The following UGGT2 variants were observed in gnomAD, a reference collection of about 807,000 sequenced individuals.
UGGT2 encodes the protein UDP-glucose:glycoprotein glucosyltransferase 2.
Under a neutral mutation model 192.1 loss-of-function variants are expected in UGGT2, and 180 were observed. That is an observed-to-expected ratio of 0.94 (90% CI 0.83 to 1.06). UGGT2 has a LOEUF of 1.06. Ranked by LOEUF, UGGT2 falls within the 50% of genes least tolerant of loss-of-function variation. The probability of loss-of-function intolerance (pLI) is 0.00; values close to 1 mark genes in which losing one functional copy is unlikely to be tolerated. For synonymous variants in UGGT2, 580 were observed against 591.0 expected, an observed-to-expected ratio of 0.98 and a Z score of 0.27; for missense variants, 1,849 against 1,795.7, an observed-to-expected ratio of 1.03 and a Z score of -0.54.
rs1305704533 is a variant in UGGT2, at chr13:95,890,955, C to T, written c.2865G>A (p.Lys955=). The change falls in exon 25 of 39, where the codon AAG becomes AAA. Residue 955 remains lysine (K), a synonymous_variant. Coordinates refer to ENST00000376747, the MANE Select transcript of UGGT2 (RefSeq NM_020121.4). ...TFLRENHSVI[K]TNPQENDMFF... ...ACATATCATTCTCTTGAGGATTCGT[C>T]TTTATAACACTAAGAAAATAGAAAA... The T allele has an allele frequency of 1.2e-6, 2 of 1,605,296 alleles. No individual in the cohort carries two copies. Among genetic ancestry groups the T allele is most frequent in the Middle Eastern group, 1.7e-4 (1 of 6,014 alleles).
chr13:95,848,517 A>G (rs1469295390), intron 36 of UGGT2, among the ~76,000 whole-genome samples: 1 of 152,118 alleles, frequency 6.6e-6, no homozygotes, highest in Non-Finnish European at 1.5e-5. Flanking sequence ...TGAGATGTTC[A>G]GTTGTTCCAG....
chr13:95,837,482 C>T (rs1247093431), intron 36 of UGGT2, among the ~76,000 whole-genome samples: 1 of 152,184 alleles, frequency 6.6e-6, no homozygotes, highest in African/African-American at 2.4e-5. Context: ...CAATAGTCCC[C>T]ACAATGGACA....
intron 36 of UGGT2, among the ~76,000 whole-genome samples, chr13:95,845,933 T>C (rs1888386843): frequency 7.0e-6 from 1 of 143,276 alleles, no homozygotes; most frequent in Non-Finnish European, 1.5e-5. Flanking sequence ...GACTCCTCAC[T>C]TCCCAGACTG....
At chr13:95,899,170 G>A (rs2048032539) in intron 22 of UGGT2, among the ~76,000 whole-genome samples, 1 of 152,188 alleles carries the variant, frequency 6.6e-6, no homozygotes, top group South Asian at 2.1e-4. Flanking sequence ...GCAGAGAGCA[G>A]CCCTCACCAG....
At chr13:96,030,303 A>T (rs1291540460) in intron 2 of UGGT2, among the ~76,000 whole-genome samples, 1 of 152,234 alleles carries the variant, frequency 6.6e-6, no homozygotes, top group African/African-American at 2.4e-5. Flanking sequence ...CTAATAGTGT[A>T]CATCACTGTT....
At chr13:95,911,626 A>G (rs965327570) in intron 20 of UGGT2, among the ~76,000 whole-genome samples, 8 of 152,206 alleles carry the variant, frequency 5.3e-5, no homozygotes, top group African/African-American at 1.7e-4. Flanking sequence ...CCAGGACCAG[A>G]TGGATTCACA....
intron 7 of UGGT2, among the ~76,000 whole-genome samples, chr13:95,995,134 G>A (rs2051578405): frequency 6.6e-6 from 1 of 151,896 alleles, no homozygotes; most frequent in Admixed American, 6.6e-5. Context: ...TCAATATGTG[G>A]CAAAGGTTTC....
chr13:95,952,512 T>C (rs942580410), intron 12 of UGGT2, among the ~76,000 whole-genome samples: 19 of 152,236 alleles, frequency 1.2e-4, no homozygotes, highest in African/African-American at 4.3e-4. Flanking sequence ...GTAAATGCTA[T>C]GTAAATAGTT....
chr13:96,036,762 TTTTG>T (rs758992823), intron 1 of UGGT2, among the ~76,000 whole-genome samples: 4 of 152,052 alleles, frequency 2.6e-5, no homozygotes, highest in Admixed American at 6.5e-5. Flanking sequence ...TGAACAACAT[TTTTG>T]TTTGTTTGTT....
chr13:96,037,032 CAGAGA>C (rs1465749381), intron 1 of UGGT2, among the ~76,000 whole-genome samples: 3 of 152,170 alleles, frequency 2.0e-5, no homozygotes, highest in East Asian at 1.9e-4. Context: ...AAATTCTACC[CAGAGA>C]AAACAGTTAT....
At chr13:96,053,017 G>T in intron 1 of UGGT2, 138 bp downstream of exon 1, 1 of 1,197,182 alleles carries the variant, frequency 8.4e-7, no homozygotes, top group Non-Finnish European at 1.1e-6. Flanking sequence ...GGAAGGAGGT[G>T]GTGATGCTCA....
At chr13:95,937,287 G>A (rs2049498221) in intron 16 of UGGT2, among the ~76,000 whole-genome samples, 199 bp from the exon 17 acceptor site, 3 of 152,150 alleles carry the variant, frequency 2.0e-5, no homozygotes, top group South Asian at 2.1e-4. Context: ...TATGTAAAGG[G>A]CCAGAGAGTA....
At chr13:95,927,400 G>T in intron 17 of UGGT2, 64 bp from the exon 18 acceptor site, 1 of 1,359,816 alleles carries the variant, frequency 7.4e-7, no homozygotes, top group Non-Finnish European at 9.9e-7. Flanking sequence ...CAAAAAGTAT[G>T]CAGATAACAC....
intron 20 of UGGT2, among the ~76,000 whole-genome samples, chr13:95,908,838 T>C (rs1350468214): frequency 7.8e-6 from 1 of 127,540 alleles, no homozygotes; most frequent in African/African-American, 2.9e-5. Flanking sequence ...TTGTAGATTC[T>C]GGATATTAGC....
At chr13:95,830,450 C>A (rs1424855201) in intron 38 of UGGT2, among the ~76,000 whole-genome samples, 1 of 152,040 alleles carries the variant, frequency 6.6e-6, no homozygotes, top group Non-Finnish European at 1.5e-5. Context: ...ATCAAACAAC[C>A]CCATCAAAAA....
At chr13:95,855,953 T>C (rs1303148519) in intron 34 of UGGT2, among the ~76,000 whole-genome samples, 2 of 152,198 alleles carry the variant, frequency 1.3e-5, no homozygotes, top group Non-Finnish European at 1.5e-5. Flanking sequence ...TCCTAAATAA[T>C]AAATGGTACT....
chr13:95,814,157 C>A (rs142750366), intron 38 of UGGT2, among the ~76,000 whole-genome samples: 2 of 152,208 alleles, frequency 1.3e-5, no homozygotes, highest in Non-Finnish European at 2.9e-5. Flanking sequence ...AGAGTCCCCA[C>A]TGGGGTACTG....
intron 5 of UGGT2, among the ~76,000 whole-genome samples, chr13:96,011,110 G>C (rs898571562): frequency 8.6e-5 from 13 of 152,034 alleles, no homozygotes; most frequent in Admixed American, 8.5e-4. Flanking sequence ...ACCTTAAATG[G>C]ATCATAAACC....
intron 16 of UGGT2, among the ~76,000 whole-genome samples, chr13:95,938,378 G>A (rs2049539795): frequency 1.3e-5 from 2 of 152,150 alleles, no homozygotes; most frequent in South Asian, 2.1e-4. Flanking sequence ...CCAATACTAA[G>A]TATTATCATT....
Sources: gnomAD v4.1 joint callset for allele counts (sites outside exome capture counted in the v4.1 genomes callset) on GRCh38, gnomAD v4.1.1 for gene constraint, MANE v1.5 for transcripts, NCBI Gene and HGNC (gene_info 2026-07-23, HGNC 2026-07-21) for gene names.